The following LRRFIP2 variants were observed in gnomAD, a reference collection of about 807,000 sequenced individuals.
The protein encoded by LRRFIP2 is leucine-rich repeat flightless-interacting protein 2.
In LRRFIP2, 109 loss-of-function variants were observed where a neutral mutation model predicts 125.9. The ratio of observed to expected loss-of-function variants is 0.87; its 90% confidence interval spans 0.74 to 1.01. The LOEUF (loss-of-function observed/expected upper bound fraction) is 1.01, where lower values mean the gene tolerates loss of function less well. Ranked by LOEUF, LRRFIP2 falls within the 50% of genes least tolerant of loss-of-function variation. The pLI is 0.00. For missense variants in LRRFIP2, 850 were observed against 862.3 expected (o/e 0.99, Z 0.18); for synonymous variants, 291 against 293.1 (o/e 0.99, Z 0.07).
chr3:37,064,302 G>C, intron 23 of LRRFIP2: 1 of 155,104 alleles, frequency 6.4e-6, no homozygotes, highest in South Asian at 2.0e-4. Flanking sequence ...CCAAGATGTG[G>C]GCAGCCAGGC....
intron 4 of LRRFIP2, among the ~76,000 whole-genome samples, chr3:37,124,380 T>A (rs1284719007): frequency 6.6e-6 from 1 of 152,220 alleles, no homozygotes; most frequent in African/African-American, 2.4e-5. Context: ...AAACACATAT[T>A]CTACTAAGAG....
At chr3:37,091,644 A>C in intron 17 of LRRFIP2, 106 bp from the exon 18 acceptor site, 1 of 745,740 alleles carries the variant, frequency 1.3e-6, no homozygotes, top group Non-Finnish European at 2.2e-6. Flanking sequence ...TTCCAGACTA[A>C]AAGCAGAGAA....
In LRRFIP2 at chr3:37,105,438, A is replaced by C. The variant is rs774938816; in HGVS notation, c.783+17T>G. 1.2e-6 allele frequency: 2 copies of C among 1,608,922 alleles called. No homozygotes were observed. The highest frequency in any genetic ancestry group is 2.2e-5 in the East Asian group (1 of 44,792). ...TTTAAAACTCATCTTATTTCTTTGC[A>C]TGCAAATCATGCTCACCACACTCTC... is the stretch of plus-strand genomic sequence containing the variant. On this transcript the variant is annotated intron_variant, in intron 14 of 27. Coordinates refer to ENST00000336686, the MANE Select transcript of LRRFIP2 (RefSeq NM_006309.4).
rs376873265 is a variant in LRRFIP2 at position 37,082,471 on chromosome 3, C to T, written c.1278+1165G>A. Among the ~76,000 whole-genome samples the T allele has an allele frequency of 5.3e-5, 8 of 152,234 alleles. 1 individual carries two copies. In the East Asian group the frequency reaches 5.8e-4, roughly 11 times the overall value. ...GCACAGTCTACCCTATTATAAACAA[C>T]CCACAATAGAGTGGTACATTTCGTT... On this transcript the variant is annotated intron_variant, in intron 19 of 27. Coordinates refer to ENST00000336686, the MANE Select transcript of LRRFIP2 (RefSeq NM_006309.4).
chr3:37,172,473 G>T (rs1278928017), intron 1 of LRRFIP2, among the ~76,000 whole-genome samples: 1 of 152,160 alleles, frequency 6.6e-6, no homozygotes, highest in East Asian at 1.9e-4. Context: ...TGGATTGGGG[G>T]GTTGGGGTAA....
intron 24 of LRRFIP2, among the ~76,000 whole-genome samples, chr3:37,061,881 T>G (rs987939950): frequency 1.3e-5 from 2 of 152,180 alleles, no homozygotes; most frequent in Non-Finnish European, 1.5e-5. Flanking sequence ...CCATGTATCC[T>G]CTCTCTAACC....
At chr3:37,161,327 C>A (rs760270600) in intron 1 of LRRFIP2, among the ~76,000 whole-genome samples, 6 of 151,932 alleles carry the variant, frequency 3.9e-5, no homozygotes, top group African/African-American at 1.5e-4. Flanking sequence ...TGCACTCCGT[C>A]CAGCCTGGGC....
chr3:37,174,472 G>A (rs2096629024), intron 1 of LRRFIP2, 67 bp downstream of exon 1: 1 of 152,128 alleles, frequency 6.6e-6, no homozygotes, highest in African/African-American at 2.4e-5. Context: ...TCACAAAAAT[G>A]GGTGATGCTT....
intron 2 of LRRFIP2, among the ~76,000 whole-genome samples, chr3:37,136,666 G>A (rs1265535954): frequency 1.3e-5 from 2 of 151,968 alleles, no homozygotes; most frequent in Non-Finnish European, 2.9e-5. Context: ...CAAAGAAGAG[G>A]ATAGAATATA....
intron 2 of LRRFIP2, among the ~76,000 whole-genome samples, chr3:37,140,797 C>A (rs1394887010): frequency 1.3e-5 from 2 of 152,090 alleles, no homozygotes; most frequent in Admixed American, 6.5e-5. Flanking sequence ...GAAACAAAGA[C>A]TCATCATAAG....
intron 25 of LRRFIP2, 78 bp downstream of exon 25, chr3:37,058,712 C>G: frequency 6.9e-7 from 1 of 1,456,680 alleles, no homozygotes; most frequent in Non-Finnish European, 9.4e-7. Flanking sequence ...TTACAAGATA[C>G]CAGCAACCTG....
intron 19 of LRRFIP2, among the ~76,000 whole-genome samples, chr3:37,079,821 T>C (rs565392059): frequency 6.6e-6 from 1 of 152,242 alleles, no homozygotes; most frequent in African/African-American, 2.4e-5. Flanking sequence ...AAGAAGCCAG[T>C]CACAAAAGAC....
At chr3:37,122,162 G>A (rs570606626) in intron 4 of LRRFIP2, among the ~76,000 whole-genome samples, 17 of 143,942 alleles carry the variant, frequency 1.2e-4, no homozygotes, top group East Asian at 2.1e-4. Context: ...GTGAGAACAC[G>A]CGGCGTTTGG....
In LRRFIP2 at chr3:37,109,556, T is replaced by C. The variant is rs1403233473; in HGVS notation, c.580A>G (p.Asn194Asp). 6.2e-7 allele frequency: 1 copy of C among 1,613,870 alleles called. No homozygotes were observed. The highest frequency in any genetic ancestry group is 8.5e-7 in the Non-Finnish European group (1 of 1,179,948). The change falls in exon 11 of 28, where the codon AAT becomes GAT. Residue 194 changes from asparagine (N) to aspartate (D), a missense_variant. Asn to Asp is a conservative substitution (Grantham distance 23). Transcript: ENST00000336686. ...YKSDRASPTA[N>D]SGLLRSASLA... ...CTGGCACTTCTCAGCAGACCAGAAT[T>C]TGCAGTAGGAGAGGCCTAAGAAAAA...
chr3:37,107,320 T>A (rs2149386612), intron 13 of LRRFIP2, among the ~76,000 whole-genome samples: 1 of 152,264 alleles, frequency 6.6e-6, no homozygotes, highest in Non-Finnish European at 1.5e-5. Context: ...GGGACACAGC[T>A]TACTTGTTTA....
intron 1 of LRRFIP2, among the ~76,000 whole-genome samples, chr3:37,157,783 A>C (rs190558814): frequency 9.2e-5 from 14 of 152,342 alleles, no homozygotes; most frequent in African/African-American, 3.4e-4. Context: ...ACACAAACTA[A>C]ATGTCAGAAG....
intron 20 of LRRFIP2, among the ~76,000 whole-genome samples, chr3:37,073,495 T>C (rs1003411678): frequency 5.3e-5 from 8 of 152,128 alleles, no homozygotes; most frequent in African/African-American, 1.7e-4. Flanking sequence ...GCATTATTGG[T>C]AAATTATTAT....
intron 24 of LRRFIP2, among the ~76,000 whole-genome samples, chr3:37,061,226 C>A (rs1575816290): frequency 6.6e-6 from 1 of 152,022 alleles, no homozygotes; most frequent in Non-Finnish European, 1.5e-5. Context: ...TGCCTGTAAT[C>A]CCAGCACTTT....
chr3:37,155,366 C>T (rs2096154865), intron 1 of LRRFIP2, among the ~76,000 whole-genome samples: 1 of 152,122 alleles, frequency 6.6e-6, no homozygotes. Context: ...TCCTCGATTT[C>T]CTCCAGCATG....
Sources: gnomAD v4.1 joint callset for allele counts (sites outside exome capture counted in the v4.1 genomes callset) on GRCh38, gnomAD v4.1.1 for gene constraint, MANE v1.5 for transcripts, NCBI Gene and HGNC (gene_info 2026-07-23, HGNC 2026-07-21) for gene names.